TRIM16: variants seen among roughly 807,000 people sequenced by gnomAD.
TRIM16 encodes tripartite motif-containing protein 16.
In TRIM16, 33 loss-of-function variants were observed where a neutral mutation model predicts 50.4. The observed-to-expected ratio is 0.65, with a 90% CI of 0.50 to 0.88. The LOEUF (loss-of-function observed/expected upper bound fraction) is 0.88, where lower values mean the gene tolerates loss of function less well. Ranked by LOEUF, TRIM16 falls within the 40% of genes least tolerant of loss-of-function variation. TRIM16 has a pLI of 0.00. For synonymous variants in TRIM16, 229 were observed against 270.7 expected, an observed-to-expected ratio of 0.85 and a Z score of 1.51; for missense variants, 581 against 686.8, an observed-to-expected ratio of 0.85 and a Z score of 1.72.
intron 6 of TRIM16, among the ~76,000 whole-genome samples, chr17:15,664,089 G>A (rs1368022378): frequency 2.6e-5 from 4 of 152,184 alleles, no homozygotes; most frequent in South Asian, 2.1e-4. Context: ...ATGTGGCAGC[G>A]GTTGTATGGC....
intron 7 of TRIM16, among the ~76,000 whole-genome samples, chr17:15,647,247 C>A (rs1342454404): frequency 6.6e-6 from 1 of 151,170 alleles, no homozygotes; most frequent in Admixed American, 6.6e-5. Context: ...GCTGGGATTA[C>A]AGGCGTGAGC....
chr17:15,651,334 G>A lies in TRIM16; in HGVS notation c.276C>T (p.Ser92=). Residue 92 remains serine, a synonymous_variant, in exon 7 of 12, where the codon TCC becomes TCT. Transcript: ENST00000649191. ...AGTAATTCACCATGCAGGTTAGACAGGACTTCACTGCCTTCACTCTTCTGG... is the reference window on the plus strand; with the variant it reads ...AGTAATTCACCATGCAGGTTAGACAAGACTTCACTGCCTTCACTCTTCTGG... ...DDTRRVKAVK[S]CLTCMVNYCE... is the part of the protein sequence containing the mutation. 1 of 1,614,230 alleles carries A rather than the reference G, an allele frequency of 6.2e-7. No homozygotes were observed. The highest frequency in any genetic ancestry group is 8.5e-7 in the Non-Finnish European group (1 of 1,180,040).
At position 15,632,580 on chromosome 17, in the gene TRIM16, G is replaced by A. The variant is rs547932700; in HGVS notation, c.944C>T (p.Thr315Met). 2.6e-4 allele frequency: 417 copies of A among 1,613,888 alleles called. 8 individuals are homozygous for A. The South Asian group carries it at 3.6e-3, about 14-fold the overall frequency. Residue 315 changes from threonine to methionine, a missense_variant, in exon 10 of 12, where the codon ACG (threonine) becomes ATG (methionine). Physicochemically the swap from Thr to Met is moderately conservative, Grantham distance 81. Around this residue, in one of 3 missense-constraint regions of TRIM16, gnomAD observed 450 missense variants for 544.3 expected, o/e 0.83. Transcript: ENST00000649191. ...CTGGATTAAGTGTACAGTGGATTCC[G>A]TGATAACTTTGCGGATGCCCGAGAG... is the stretch of plus-strand genomic sequence containing the variant. Reference protein sequence around the residue: ...DKLSGIRKVITESTVHLIQLL... With the variant: ...DKLSGIRKVIMESTVHLIQLL...
In TRIM16 at chr17:15,651,887, T is replaced by C. The variant is rs542717596; in HGVS notation, c.-278A>G. On this transcript the variant is annotated 5_prime_UTR_variant, in exon 7 of 12. Transcript: ENST00000649191. ...AGGTCCAGCCCTGAAACTTCTATTCTTATGTGAATCATCTGAACCCCATAG... is the reference window on the plus strand; with the variant it reads ...AGGTCCAGCCCTGAAACTTCTATTCCTATGTGAATCATCTGAACCCCATAG... 3.6e-6 allele frequency: 5 copies of C among 1,381,814 alleles called. No individual in the cohort carries two copies. In the South Asian group the frequency reaches 6.1e-5, roughly 17 times the overall value. The allele number at this position is 1,381,814 out of a possible 1,614,324, so 85.6% of individuals were successfully genotyped here. A position where few individuals can be genotyped will look rare whatever the true frequency, so the allele number is the denominator to read the frequency against.
At position 15,683,027 on chromosome 17, in the gene TRIM16, A is replaced by G. The variant is rs1354592992; in HGVS notation, c.-777+9T>C. 1 of 1,550,044 alleles carries G rather than the reference A, an allele frequency of 6.5e-7. No individual in the cohort carries two copies. Among genetic ancestry groups the G allele is most frequent in the Admixed American group, 2.0e-5 (1 of 50,978 alleles). ...GCTAATGGCAGGACCCTTTATTTCT[A>G]TTTCTTACCTCTGTTCTGGAGTTTG... On this transcript the variant is annotated intron_variant, in intron 2 of 11. Transcript: ENST00000649191.
chr17:15,676,214 T>C (rs560675828), intron 6 of TRIM16, among the ~76,000 whole-genome samples: 1 of 152,266 alleles, frequency 6.6e-6, no homozygotes, highest in South Asian at 2.1e-4. Context: ...GAGATGCCCA[T>C]AGCACACTTC....
chr17:15,647,997 AG>A (rs1403609124), intron 7 of TRIM16, among the ~76,000 whole-genome samples: 1 of 152,092 alleles, frequency 6.6e-6, no homozygotes. Flanking sequence ...AGGCCGAGGC[AG>A]GGGGATCACC....
At chr17:15,633,426 A>C (rs1956240556) in intron 9 of TRIM16, among the ~76,000 whole-genome samples, 1 of 151,000 alleles carries the variant, frequency 6.6e-6, no homozygotes, top group African/African-American at 2.4e-5. Context: ...TAGCATTTTA[A>C]ATCAGTGGGA....
At chr17:15,670,655 GGAT>G (rs1362646390) in intron 6 of TRIM16, among the ~76,000 whole-genome samples, 1 of 152,082 alleles carries the variant, frequency 6.6e-6, no homozygotes, top group Non-Finnish European at 1.5e-5. Flanking sequence ...CTATGAACAG[GGAT>G]GATGACAAAT....
At chr17:15,659,205 G>A (rs753665051) in intron 6 of TRIM16, among the ~76,000 whole-genome samples, 8 of 152,156 alleles carry the variant, frequency 5.3e-5, no homozygotes, top group Admixed American at 2.0e-4. Context: ...CCTTAGCGAC[G>A]GACATCTGCC....
chr17:15,661,968 C>T (rs756238484), intron 6 of TRIM16, among the ~76,000 whole-genome samples: 30 of 152,186 alleles, frequency 2.0e-4, no homozygotes, highest in Admixed American at 1.3e-3. Flanking sequence ...ACTCAAGCTC[C>T]GTTCTAAATA....
chr17:15,659,974 C>T (rs1012098639), intron 6 of TRIM16, among the ~76,000 whole-genome samples: 3 of 152,186 alleles, frequency 2.0e-5, no homozygotes, highest in African/African-American at 7.2e-5. Flanking sequence ...CAGGGCAGGC[C>T]GGGCTTGCTG....
intron 8 of TRIM16, among the ~76,000 whole-genome samples, chr17:15,642,044 G>A (rs1285292307): frequency 2.7e-5 from 4 of 148,276 alleles, no homozygotes; most frequent in Non-Finnish European, 4.5e-5. Context: ...GGGTTTCACC[G>A]TGTTGGCCAG....
chr17:15,664,636 G>C (rs1988394861), intron 6 of TRIM16, among the ~76,000 whole-genome samples: 1 of 152,228 alleles, frequency 6.6e-6, no homozygotes, highest in African/African-American at 2.4e-5. Flanking sequence ...GAGCTAGACA[G>C]ACTACGTCCT....
intron 6 of TRIM16, among the ~76,000 whole-genome samples, chr17:15,663,728 C>T (rs62071661): frequency 0.19 from 28,348 of 152,182 alleles, 3,097 homozygotes; most frequent in East Asian, 0.33. Context: ...CTCCTTACAG[C>T]TTGGGGTCCA....
rs1285881590 is a variant in TRIM16 at position 15,634,052 on chromosome 17, A to C, written c.850-1378T>G. Among the ~76,000 whole-genome samples the C allele has an allele frequency of 3.7e-5, 4 of 107,586 alleles. 1 individual carries two copies. Among genetic ancestry groups the C allele is most frequent in the Non-Finnish European group, 7.7e-5 (4 of 52,036 alleles). 70.6% of individuals were successfully genotyped at this position (107,586 alleles called of 152,430 possible). A position where few individuals can be genotyped will look rare whatever the true frequency, so the allele number is the denominator to read the frequency against. On this transcript the variant is annotated intron_variant, in intron 9 of 11. Coordinates refer to ENST00000649191, the MANE Select transcript of TRIM16 (RefSeq NM_001348119.1). The stretch of plus-strand genomic sequence containing the variant: ...TACTAAAAATAAAAAAAATTTGGCC[A>C]GGCACGGTGGCTCATGCCTGTAATC...
At chr17:15,637,685 C>T (rs1299265647) in intron 8 of TRIM16, among the ~76,000 whole-genome samples, 16 of 137,094 alleles carry the variant, frequency 1.2e-4, no homozygotes, top group African/African-American at 2.7e-4. Context: ...CGCCTCTGCC[C>T]GGCCGCCCCT....
At chr17:15,679,809 T>C (rs904679240) in intron 4 of TRIM16, among the ~76,000 whole-genome samples, 5 of 151,722 alleles carry the variant, frequency 3.3e-5, no homozygotes, top group Non-Finnish European at 2.9e-5. Flanking sequence ...CGGTGGCGGG[T>C]GCCTGTAGTC....
chr17:15,643,210 A>G (rs1987197562), intron 7 of TRIM16: 1 of 222,974 alleles, frequency 4.5e-6, no homozygotes, highest in Non-Finnish European at 8.2e-6. Context: ...AGTTCAGGCC[A>G]TGATGGGAAG....
Sources: allele counts gnomAD v4.1 joint callset (sites outside exome capture counted in the v4.1 genomes callset), GRCh38; gene constraint gnomAD v4.1.1; regional missense constraint gnomAD v4.1.1; transcripts MANE v1.5; gene names NCBI Gene and HGNC (gene_info 2026-07-23, HGNC 2026-07-21).